CADPS: variants seen among roughly 807,000 people sequenced by gnomAD.
CADPS encodes the protein calcium dependent secretion activator.
In CADPS, 57 loss-of-function variants were observed where a neutral mutation model predicts 167.3. The observed-to-expected ratio is 0.34, with a 90% confidence interval of 0.28 to 0.42. The LOEUF is 0.42. Ranked by LOEUF, CADPS falls within the 20% of genes least tolerant of loss-of-function variation. The probability of loss-of-function intolerance (pLI) is 1.00; values close to 1 mark genes in which losing one functional copy is unlikely to be tolerated. For missense variants in CADPS, 1,414 were observed against 1,738.1 expected, an observed-to-expected ratio of 0.81 and a Z score of 3.32; for synonymous variants, 676 against 635.3, an observed-to-expected ratio of 1.06 and a Z score of -0.96.
At chr3:62,618,897 T>C (rs192699317) in intron 6 of CADPS, among the ~76,000 whole-genome samples, 121 of 152,312 alleles carry the variant, frequency 7.9e-4, no homozygotes, top group Non-Finnish European at 1.4e-3. Context: ...ATAAAAAAGA[T>C]CCCTGCTCTC....
At chr3:62,781,619 GA>G (rs1416252024) in intron 1 of CADPS, among the ~76,000 whole-genome samples, 9 of 152,172 alleles carry the variant, frequency 5.9e-5, no homozygotes, top group Non-Finnish European at 1.2e-4. Flanking sequence ...GTTCTGTTGG[GA>G]GGGGCCAAAG....
chr3:62,748,809 G>C (rs547105726), intron 3 of CADPS, among the ~76,000 whole-genome samples: 72 of 152,280 alleles, frequency 4.7e-4, no homozygotes, highest in African/African-American at 1.7e-3. Context: ...CCAGGCTCAA[G>C]TGATCCTCCC....
intron 26 of CADPS, among the ~76,000 whole-genome samples, chr3:62,462,639 G>A (rs1037207663): frequency 1.3e-5 from 2 of 152,198 alleles, no homozygotes; most frequent in East Asian, 1.9e-4. Flanking sequence ...AAATGGGAGT[G>A]GAGTTAAGAA....
Position 62,459,579 on chromosome 3 carries a change from G to T in CADPS, c.3636+5788C>A, listed in dbSNP as rs140212846. On this transcript the variant is annotated intron_variant, in intron 26 of 29. Transcript: ENST00000383710. ...AAGCAAAACTCTACTTATTTTTTAG[G>T]TCTCAGCCCAAATGTCATTTCCTTC... 2.2e-4 allele frequency among the ~76,000 whole-genome samples: 34 copies of T among 152,084 alleles called. No homozygotes were observed. The East Asian group carries it at 5.2e-3, about 23-fold the overall frequency.
At chr3:62,856,129 T>G (rs17067272) in intron 1 of CADPS, among the ~76,000 whole-genome samples, 2,663 of 152,278 alleles carry the variant, frequency 0.017, 34 homozygotes, top group East Asian at 0.068. Context: ...ATACCTCAGC[T>G]GATAGGGACA....
At chr3:62,414,541 CA>C (rs1423721207) in intron 28 of CADPS, among the ~76,000 whole-genome samples, 2 of 152,228 alleles carry the variant, frequency 1.3e-5, no homozygotes, top group Non-Finnish European at 2.9e-5. Context: ...CCAAGCTCAG[CA>C]ATTAACACTG....
chr3:62,460,331 A>T (rs909549027), intron 26 of CADPS, among the ~76,000 whole-genome samples: 1 of 152,210 alleles, frequency 6.6e-6, no homozygotes, highest in Admixed American at 6.5e-5. Flanking sequence ...TGAAATATAG[A>T]AGCCAATTGA....
intron 24 of CADPS, among the ~76,000 whole-genome samples, chr3:62,467,906 A>G (rs906169037): frequency 6.6e-6 from 1 of 152,156 alleles, no homozygotes; most frequent in Admixed American, 6.5e-5. Context: ...TGACTCAAAT[A>G]TTGTTAGTTG....
At position 62,619,695 on chromosome 3, in the gene CADPS, T is replaced by G. The variant is rs2149449239; in HGVS notation, c.1325+26027A>C. On this transcript the variant is annotated intron_variant, in intron 6 of 29. Coordinates refer to ENST00000383710, the MANE Select transcript of CADPS (RefSeq NM_003716.4). Reference sequence around the variant, plus strand: ...TTCCAGGTAATTTTTGGCCTCAGTATGTCCCATCCGCCTCTTTGGAATACT... The same window carrying G: ...TTCCAGGTAATTTTTGGCCTCAGTAGGTCCCATCCGCCTCTTTGGAATACT... 2.0e-5 allele frequency among the ~76,000 whole-genome samples: 3 copies of G among 152,314 alleles called. No homozygotes were observed. In the Middle Eastern group the frequency reaches 0.01, roughly 522 times the overall value.
intron 1 of CADPS, among the ~76,000 whole-genome samples, chr3:62,778,588 C>A (rs923289032): frequency 2.0e-5 from 3 of 152,164 alleles, no homozygotes; most frequent in African/African-American, 7.2e-5. Flanking sequence ...ACAGCATGAA[C>A]TTTAATGTCT....
Position 62,822,561 on chromosome 3 carries a change from G to T in CADPS, c.441+52028C>A, listed in dbSNP as rs536142193. On this transcript the variant is annotated intron_variant, in intron 1 of 29. Transcript: ENST00000383710. ...ATAGAAACATTAAGAGACAAGGTCA[G>T]CCAGGCATAGTGGCTCACGCCTGTA... 4.9e-4 allele frequency among the ~76,000 whole-genome samples: 75 copies of T among 152,350 alleles called. 1 individual carries two copies. Among genetic ancestry groups the T allele is most frequent in the Middle Eastern group, 3.4e-3 (1 of 294 alleles).
intron 1 of CADPS, among the ~76,000 whole-genome samples, chr3:62,796,766 A>T (rs1356696620): frequency 6.6e-6 from 1 of 152,198 alleles, no homozygotes; most frequent in African/African-American, 2.4e-5. Context: ...GATAAGCCAG[A>T]CTACTTAATA....
intron 11 of CADPS, among the ~76,000 whole-genome samples, chr3:62,540,652 G>A (rs2075534427): frequency 6.6e-6 from 1 of 152,060 alleles, no homozygotes; most frequent in African/African-American, 2.4e-5. Context: ...TACATGTCTA[G>A]GACCATATGC....
intron 26 of CADPS, among the ~76,000 whole-genome samples, chr3:62,451,714 C>G (rs1446625814): frequency 6.6e-6 from 1 of 152,034 alleles, no homozygotes; most frequent in Non-Finnish European, 1.5e-5. Flanking sequence ...TTTTTTTTGT[C>G]CTTTGCCTAG....
intron 3 of CADPS, among the ~76,000 whole-genome samples, chr3:62,730,101 G>A (rs570185115): frequency 2.0e-5 from 3 of 149,874 alleles, no homozygotes; most frequent in African/African-American, 2.5e-5. Context: ...TGAAGTATCC[G>A]TGAAGTAGAG....
chr3:62,481,664 C>A, intron 22 of CADPS, 59 bp downstream of exon 22: 1 of 1,461,102 alleles, frequency 6.8e-7, no homozygotes, highest in South Asian at 1.3e-5. Flanking sequence ...ATAAACAATA[C>A]ATATCCATGC....
intron 18 of CADPS, among the ~76,000 whole-genome samples, chr3:62,494,658 T>C (rs2064332975): frequency 7.4e-6 from 1 of 134,692 alleles, no homozygotes; most frequent in Admixed American, 8.2e-5. Flanking sequence ...CATACCTGGC[T>C]CTTACCAGCA....
intron 11 of CADPS, among the ~76,000 whole-genome samples, chr3:62,539,108 C>T (rs1440214475): frequency 1.3e-5 from 2 of 152,102 alleles, no homozygotes; most frequent in African/African-American, 2.4e-5. Context: ...CTTCTTTCTC[C>T]CCATCCACTT....
chr3:62,838,728 T>A (rs1026833011), intron 1 of CADPS, among the ~76,000 whole-genome samples: 1 of 152,180 alleles, frequency 6.6e-6, no homozygotes, highest in Non-Finnish European at 1.5e-5. Flanking sequence ...GAAAAGTACC[T>A]GAGATATAGT....
Sources: allele counts gnomAD v4.1 joint callset (sites outside exome capture counted in the v4.1 genomes callset), GRCh38; gene constraint gnomAD v4.1.1; transcripts MANE v1.5; gene names NCBI Gene and HGNC (gene_info 2026-07-23, HGNC 2026-07-21).